Variants in LRRC4C observed in about 807,000 individuals in gnomAD.
LRRC4C encodes the protein leucine rich repeat containing 4C, also known as leucine-rich repeat-containing protein 4C.
LRRC4C carries 5 observed loss-of-function variants against 33.6 expected under a neutral mutation model. The ratio of observed to expected loss-of-function variants is 0.15; its 90% CI spans 0.08 to 0.31. The LOEUF is 0.31. Ranked by LOEUF, LRRC4C falls within the 10% of genes least tolerant of loss-of-function variation. The pLI is 1.00. For synonymous variants in LRRC4C, 329 were observed against 302.0 expected, an observed-to-expected ratio of 1.09 and a Z score of -0.93; for missense variants, 560 against 796.7, an observed-to-expected ratio of 0.70 and a Z score of 3.58.
chr11:40,597,370 C>T (rs1039656098), intron 3 of LRRC4C, among the ~76,000 whole-genome samples: 25 of 152,098 alleles, frequency 1.6e-4, no homozygotes, highest in African/African-American at 6.0e-4. Context: ...ACTCTAAATA[C>T]TTTGTGTTAC....
chr11:40,564,262 A>T (rs1010325745), intron 3 of LRRC4C, among the ~76,000 whole-genome samples: 8 of 152,304 alleles, frequency 5.3e-5, no homozygotes, highest in South Asian at 2.1e-4. Flanking sequence ...TGCTTGGCGA[A>T]GTGTGAGTAC....
intron 1 of LRRC4C, among the ~76,000 whole-genome samples, chr11:41,329,481 T>A (rs750047061): frequency 8.5e-5 from 13 of 152,222 alleles, no homozygotes; most frequent in Non-Finnish European, 1.6e-4. Context: ...AACTACAAAA[T>A]GTAACCATGA....
At chr11:41,395,463 A>G (rs529984729) in intron 1 of LRRC4C, among the ~76,000 whole-genome samples, 134 of 152,150 alleles carry the variant, frequency 8.8e-4, no homozygotes, top group African/African-American at 3.0e-3. Context: ...TGATTGGACC[A>G]TCACTATAAT....
At chr11:40,578,129 T>C (rs568359315) in intron 3 of LRRC4C, among the ~76,000 whole-genome samples, 1 of 141,532 alleles carries the variant, frequency 7.1e-6, no homozygotes, top group African/African-American at 2.6e-5. Context: ...ATTATTGGAC[T>C]TTTTTTTTTC....
intron 3 of LRRC4C, among the ~76,000 whole-genome samples, chr11:40,502,471 G>A (rs1378022334): frequency 6.6e-6 from 1 of 152,160 alleles, no homozygotes; most frequent in Admixed American, 6.5e-5. Flanking sequence ...AATCATGGTG[G>A]GAGGTGAAAG....
chr11:41,285,927 T>C (rs866938025), intron 1 of LRRC4C, among the ~76,000 whole-genome samples: 1 of 152,102 alleles, frequency 6.6e-6, no homozygotes, highest in African/African-American at 2.4e-5. Context: ...CCTCCCAGGT[T>C]CAAGCAATTC....
At chr11:41,442,468 T>TTTTTTTTTTTTTTTTTTTTTTTTTTC (rs1955658506) in intron 1 of LRRC4C, among the ~76,000 whole-genome samples, 2 of 106,534 alleles carry the variant, frequency 1.9e-5, no homozygotes, top group Non-Finnish European at 3.7e-5. Context: ...CTTTTTTTTT[T>TTTTTTTTTTTTTTTTTTTTTTTTTTC]TTTTTTTTTT....
At chr11:40,936,014 T>TTATATATATATATATATA (rs56879078) in intron 1 of LRRC4C, among the ~76,000 whole-genome samples, 1 of 49,308 alleles carries the variant, frequency 2.0e-5, no homozygotes, top group African/African-American at 5.8e-5. Context: ...ATGCCAAATT[T>TTATATATATATATATATA]TATATATATA....
intron 3 of LRRC4C, among the ~76,000 whole-genome samples, chr11:40,619,272 C>T (rs1344329255): frequency 1.3e-5 from 2 of 151,644 alleles, no homozygotes; most frequent in Non-Finnish European, 3.0e-5. Context: ...TTTTAAATAA[C>T]TTAATGCAAT....
At chr11:40,769,804 C>T (rs1392073926) in intron 2 of LRRC4C, among the ~76,000 whole-genome samples, 3 of 152,146 alleles carry the variant, frequency 2.0e-5, no homozygotes, top group Non-Finnish European at 4.4e-5. Context: ...AGACTTCTAT[C>T]TCTTGCCATA....
At chr11:40,370,898 A>G (rs1948421087) in intron 3 of LRRC4C, among the ~76,000 whole-genome samples, 1 of 152,228 alleles carries the variant, frequency 6.6e-6, no homozygotes, top group Non-Finnish European at 1.5e-5. Context: ...GGATTTTTAT[A>G]GGCCCACCTC....
chr11:40,834,779 T>G (rs1952585516), intron 2 of LRRC4C, among the ~76,000 whole-genome samples: 1 of 152,106 alleles, frequency 6.6e-6, no homozygotes, highest in Non-Finnish European at 1.5e-5. Context: ...TCACATCCTC[T>G]AAAAATTTGG....
chr11:40,382,518 C>A (rs1948921801), intron 3 of LRRC4C, among the ~76,000 whole-genome samples: 1 of 151,468 alleles, frequency 6.6e-6, no homozygotes, highest in South Asian at 2.1e-4. Flanking sequence ...TTTCCTCCAA[C>A]CCTCTTTATT....
chr11:40,977,239 TCTC>T (rs147369248), intron 1 of LRRC4C, among the ~76,000 whole-genome samples: 2,389 of 152,166 alleles, frequency 0.016, 63 homozygotes, highest in African/African-American at 0.055. Context: ...CCACCACTCA[TCTC>T]CTCCTATGCG....
intron 1 of LRRC4C, among the ~76,000 whole-genome samples, chr11:40,988,718 T>C (rs868243759): frequency 2.9e-4 from 41 of 139,892 alleles, no homozygotes; most frequent in Middle Eastern, 3.5e-3. Context: ...CTTTTCTTTT[T>C]TTTTTTTTTT....
intron 3 of LRRC4C, among the ~76,000 whole-genome samples, chr11:40,336,949 C>A (rs1316317629): frequency 9.8e-5 from 12 of 122,852 alleles, no homozygotes; most frequent in Admixed American, 3.6e-4. Context: ...TGCACTCCAG[C>A]CTGGGGGACA....
intron 5 of LRRC4C, among the ~76,000 whole-genome samples, chr11:40,147,794 A>G (rs1857868036): frequency 6.6e-6 from 1 of 152,134 alleles, no homozygotes; most frequent in Admixed American, 6.5e-5. Context: ...AGTTTGTAAT[A>G]TAGGTAAACT....
chr11:40,606,506 G>A (rs1960607495), intron 3 of LRRC4C, among the ~76,000 whole-genome samples: 1 of 151,268 alleles, frequency 6.6e-6, no homozygotes, highest in African/African-American at 2.4e-5. Flanking sequence ...AAATTACAAG[G>A]CACACAAAGA....
At chr11:40,555,641 G>T (rs542161884) in intron 3 of LRRC4C, among the ~76,000 whole-genome samples, 6 of 152,264 alleles carry the variant, frequency 3.9e-5, no homozygotes, top group African/African-American at 1.2e-4. Flanking sequence ...GGAAGAAGAA[G>T]AATTGTTTTG....
Sources: gnomAD v4.1 joint callset for allele counts (sites outside exome capture counted in the v4.1 genomes callset) on GRCh38, gnomAD v4.1.1 for gene constraint, MANE v1.5 for transcripts, NCBI Gene and HGNC (gene_info 2026-07-23, HGNC 2026-07-21) for gene names.